TAF1: variants seen among roughly 807,000 people sequenced by gnomAD.
TAF1 encodes the protein TATA-box binding protein associated factor 1, also known as transcription initiation factor TFIID subunit 1.
A neutral mutation model predicts 138.5 loss-of-function variants in TAF1; 2 were observed. The observed-to-expected ratio is 0.01, with a 90% CI of 0.01 to 0.05. TAF1 has a LOEUF of 0.05. Ranked by LOEUF, TAF1 falls within the 10% of genes least tolerant of loss-of-function variation. TAF1 has a pLI of 1.00. For synonymous variants in TAF1, 437 were observed against 503.2 expected (o/e 0.87, Z 1.76); for missense variants, 709 against 1,478.0 (o/e 0.48, Z 8.53).
At chrX:71,405,018 G>A (rs893627261) in intron 25 of TAF1, among the ~76,000 whole-genome samples, 60 of 98,626 alleles carry the variant, frequency 6.1e-4, no homozygotes, top group Non-Finnish European at 1.0e-3. Flanking sequence ...GTGCAGTGGC[G>A]CAATCCCAGC....
intron 13 of TAF1, among the ~76,000 whole-genome samples, chrX:71,499,151 C>T (rs1040177391): frequency 3.2e-4 from 36 of 111,195 alleles, no homozygotes; most frequent in African/African-American, 1.1e-3. Flanking sequence ...GCTTGTTTCT[C>T]GTTGGACAAT....
intron 13 of TAF1, among the ~76,000 whole-genome samples, chrX:71,506,620 G>A (rs1487333441): frequency 1.9e-5 from 2 of 106,831 alleles, no homozygotes; most frequent in African/African-American, 3.4e-5. Flanking sequence ...GCGTGAACCC[G>A]GGAGGCGGAG....
intron 15 of TAF1, among the ~76,000 whole-genome samples, chrX:71,387,902 C>T (rs79366709): frequency 3.8e-5 from 4 of 106,009 alleles, no homozygotes; most frequent in Middle Eastern, 9.9e-3. Flanking sequence ...CACTGCACTC[C>T]AGCCTGGGCA....
At position 71,437,943 on chromosome X, in the gene TAF1, C is replaced by T. The variant is rs544252199; in HGVS notation, c.4753+13705C>T. Among the ~76,000 whole-genome samples the T allele has an allele frequency of 4.6e-4, 48 of 104,406 alleles. 1 individual carries two copies. The South Asian group carries it at 0.016, about 35-fold the overall frequency. The allele number at this position is 104,406 out of a possible 115,157, so 90.7% of individuals were successfully genotyped here. A position where few individuals can be genotyped will look rare whatever the true frequency, so the allele number is the denominator to read the frequency against. Reference sequence around the variant, plus strand: ...CTCCGCTTCCTGGATTCAAACGTTTCTCCTGCCTCAGCCTCCAGAGTAGCT... The same window carrying T: ...CTCCGCTTCCTGGATTCAAACGTTTTTCCTGCCTCAGCCTCCAGAGTAGCT... On this transcript the variant is annotated intron_variant, in intron 32 of 37. Transcript: ENST00000423759.
At chrX:71,453,122 G>GGGAGA (rs1246091889) in intron 32 of TAF1, among the ~76,000 whole-genome samples, 1 of 110,582 alleles carries the variant, frequency 9.0e-6, no homozygotes, top group Non-Finnish European at 1.9e-5. Flanking sequence ...GAGAGGGAGA[G>GGGAGA]GGAGAGGAGG....
intron 32 of TAF1, among the ~76,000 whole-genome samples, chrX:71,432,458 C>T (rs887755253): frequency 7.3e-5 from 8 of 109,753 alleles, no homozygotes; most frequent in South Asian, 3.9e-4. Context: ...TTCAGAAGAA[C>T]GCTGTTGAGC....
chrX:71,412,122 G>GTTT (rs749385611), intron 28 of TAF1, among the ~76,000 whole-genome samples: 1 of 89,237 alleles, frequency 1.1e-5, no homozygotes, highest in Non-Finnish European at 2.2e-5. Context: ...TTCATTCCTG[G>GTTT]TTTTTTTTTT....
intron 23 of TAF1, 147 bp downstream of exon 23, chrX:71,397,613 G>A: frequency 1.5e-6 from 1 of 674,799 alleles, no homozygotes; most frequent in Non-Finnish European, 2.2e-6. Context: ...TTCCAGAGTA[G>A]CTGGGATTAC....
intron 14 of TAF1, 45 bp from the exon 15 acceptor site, chrX:71,387,216 C>T (rs1381280319): frequency 2.5e-6 from 3 of 1,187,108 alleles, no homozygotes; most frequent in Admixed American, 2.2e-5. Context: ...ACTGAATTTC[C>T]TAGGGCTACT....
chrX:71,506,404 G>A (rs2039627474), intron 13 of TAF1, among the ~76,000 whole-genome samples: 1 of 101,471 alleles, frequency 9.9e-6, no homozygotes. Flanking sequence ...AAAAAAATTG[G>A]CCAGTCGCGG....
At chrX:71,402,843 A>G (rs1004211676) in intron 25 of TAF1, among the ~76,000 whole-genome samples, 1 of 111,105 alleles carries the variant, frequency 9.0e-6, no homozygotes, top group African/African-American at 3.3e-5. Context: ...TTTCACTCCT[A>G]AGAAAGTTAA....
chrX:71,473,517 T>A (rs776638316), intron 13 of TAF1, among the ~76,000 whole-genome samples: 40 of 110,001 alleles, frequency 3.6e-4, no homozygotes, highest in South Asian at 7.8e-4. Context: ...ATTTTTTTTT[T>A]AAATTTTTTA....
At chrX:71,524,767 C>T (rs990543542) in intron 13 of TAF1, among the ~76,000 whole-genome samples, 4 of 109,015 alleles carry the variant, frequency 3.7e-5, no homozygotes, top group South Asian at 4.0e-4. Flanking sequence ...ATGGTGAAAC[C>T]CCATCTCTAC....
At chrX:71,432,466 A>G (rs2036934842) in intron 32 of TAF1, among the ~76,000 whole-genome samples, 1 of 110,546 alleles carries the variant, frequency 9.0e-6, no homozygotes, top group Non-Finnish European at 1.9e-5. Flanking sequence ...AACGCTGTTG[A>G]GCAACTTTTG....
At position 71,488,982 on chromosome X, in the gene TAF1, G is replaced by A. The variant is rs186265646; in HGVS notation, c.1366+28179G>A. ...CTCAGGAGGCTGAGGCAGGAGAATC[G>A]CTTGAACCTGGGAGATGGAGGTTGC... On this transcript the variant is annotated intron_variant and NMD_transcript_variant, in intron 13 of 14. Coordinates refer to the TAF1 transcript ENST00000373775. Among the ~76,000 whole-genome samples the A allele has an allele frequency of 3.0e-4, 33 of 108,256 alleles. 1 individual carries two copies. Among genetic ancestry groups the A allele is most frequent in the Admixed American group, 1.9e-3 (19 of 10,071 alleles). The allele number at this position is 108,256 out of a possible 115,157, so 94.0% of individuals were successfully genotyped here. A position where few individuals can be genotyped will look rare whatever the true frequency, so the allele number is the denominator to read the frequency against.
At chrX:71,474,813 G>A (rs751318344) in intron 13 of TAF1, among the ~76,000 whole-genome samples, 1 of 111,840 alleles carries the variant, frequency 8.9e-6, no homozygotes, top group African/African-American at 3.2e-5. Context: ...TGGCATTTTA[G>A]CTGAGACTTG....
intron 13 of TAF1, among the ~76,000 whole-genome samples, chrX:71,489,304 G>T (rs1025562477): frequency 9.0e-6 from 1 of 110,810 alleles, no homozygotes; most frequent in Admixed American, 9.7e-5. Flanking sequence ...GGTTTTTCTG[G>T]TCAGTGAGAG....
intron 13 of TAF1, among the ~76,000 whole-genome samples, chrX:71,484,054 G>C (rs1407733620): frequency 1.8e-5 from 2 of 109,527 alleles, no homozygotes; most frequent in Non-Finnish European, 3.8e-5. Context: ...ATTTTTTGTA[G>C]AAATGAGGTC....
chrX:71,489,080 A>AC lies in TAF1; in HGVS notation c.1366+28277_1366+28278insC, dbSNP rs199999171. 1.8e-3 allele frequency among the ~76,000 whole-genome samples: 200 copies of AC among 109,002 alleles called. 1 individual carries two copies. The East Asian group carries it at 0.033, about 18-fold the overall frequency. The allele number at this position is 109,002 out of a possible 115,157, so 94.7% of individuals were successfully genotyped here. ...AGACTCTGTCTGAAAAAAAAAAAAA[A>AC]ACACACACAAAAAATTCATCTAGTT... is the stretch of plus-strand genomic sequence containing the variant. On this transcript the variant is annotated intron_variant and NMD_transcript_variant, in intron 13 of 14. Coordinates refer to the TAF1 transcript ENST00000373775.
Sources: gnomAD v4.1 joint callset for allele counts (sites outside exome capture counted in the v4.1 genomes callset) on GRCh38, gnomAD v4.1.1 for gene constraint, MANE v1.5 for transcripts, NCBI Gene and HGNC (gene_info 2026-07-23, HGNC 2026-07-21) for gene names.